The following CLASP1 variants were observed in gnomAD, a reference collection of about 807,000 sequenced individuals.
CLASP1 encodes the protein cytoplasmic linker associated protein 1.
CLASP1 carries 38 observed loss-of-function variants against 192.3 expected under a neutral mutation model. That is an observed-to-expected ratio of 0.20 (90% confidence interval 0.15 to 0.26). The LOEUF (loss-of-function observed/expected upper bound fraction) is 0.26, where lower values mean the gene tolerates loss of function less well. CLASP1 is among the 10% of genes least tolerant of loss of function. The probability of loss-of-function intolerance (pLI) is 1.00; values close to 1 mark genes in which losing one functional copy is unlikely to be tolerated. For synonymous variants in CLASP1, 691 were observed against 712.8 expected (o/e 0.97, Z 0.49); for missense variants, 1,433 against 1,932.5 (o/e 0.74, Z 4.85).
intron 32 of CLASP1, among the ~76,000 whole-genome samples, chr2:121,384,175 C>T (rs2072635235): frequency 6.7e-6 from 1 of 150,340 alleles, no homozygotes; most frequent in African/African-American, 2.5e-5. Context: ...TATATACACA[C>T]ACACACACAC....
intron 2 of CLASP1, among the ~76,000 whole-genome samples, chr2:121,580,476 T>C (rs1361810064): frequency 6.6e-6 from 1 of 152,202 alleles, no homozygotes; most frequent in Non-Finnish European, 1.5e-5. Context: ...CATTAACATT[T>C]TCATTTCTTT....
exon 25 of CLASP1, chr2:121,407,623 T>A (rs762456175): frequency 1.9e-6 from 3 of 1,613,908 alleles, no homozygotes; most frequent in Non-Finnish European, 2.5e-6. Context: ...TGGAGCCATA[T>A]GAGCGCTCAG....
intron 37 of CLASP1, among the ~76,000 whole-genome samples, chr2:121,352,631 T>G (rs1451903617): frequency 6.6e-6 from 1 of 152,202 alleles, no homozygotes; most frequent in Non-Finnish European, 1.5e-5. Flanking sequence ...TTCCATTTTT[T>G]AATAAAAACT....
intron 1 of CLASP1, among the ~76,000 whole-genome samples, chr2:121,636,209 G>A (rs1047681414): frequency 5.9e-5 from 9 of 151,904 alleles, no homozygotes; most frequent in African/African-American, 4.8e-5. Flanking sequence ...CAGTGCAGGC[G>A]CCTGTAATCC....
chr2:121,594,311 A>C (rs188490018), intron 2 of CLASP1, among the ~76,000 whole-genome samples: 14 of 151,730 alleles, frequency 9.2e-5, no homozygotes, highest in African/African-American at 2.9e-4. Context: ...AAAAAAAAAA[A>C]ATTTTCTTGT....
intron 8 of CLASP1, among the ~76,000 whole-genome samples, chr2:121,479,239 C>T (rs1203959769): frequency 6.7e-6 from 1 of 149,888 alleles, no homozygotes; most frequent in Non-Finnish European, 1.5e-5. Context: ...ATTGGAAGAA[C>T]TAAAACTATC....
chr2:121,446,239 C>T (rs1022589861), intron 19 of CLASP1, among the ~76,000 whole-genome samples: 1 of 152,142 alleles, frequency 6.6e-6, no homozygotes, highest in African/African-American at 2.4e-5. Flanking sequence ...CCTTACAGAA[C>T]AATAGTTTAT....
At chr2:121,462,495 C>A in intron 10 of CLASP1, 37 bp downstream of exon 10, 2 of 1,164,078 alleles carry the variant, frequency 1.7e-6, no homozygotes, top group Non-Finnish European at 2.5e-6. Flanking sequence ...AGTAAGTTGA[C>A]CCTTGTTTGT....
intron 8 of CLASP1, among the ~76,000 whole-genome samples, chr2:121,475,880 T>A (rs575368600): frequency 2.6e-5 from 4 of 152,300 alleles, no homozygotes; most frequent in African/African-American, 9.6e-5. Flanking sequence ...AAATCTGAAA[T>A]AAGCAGATGG....
exon 40 of CLASP1, chr2:121,338,211 T>C (rs2062493229): frequency 6.6e-6 from 1 of 152,224 alleles, no homozygotes; most frequent in African/African-American, 2.4e-5. Context: ...GTCAGTTGCA[T>C]TACCTGCACA....
intron 2 of CLASP1, among the ~76,000 whole-genome samples, chr2:121,533,676 AT>A (rs1230414743): frequency 6.6e-6 from 1 of 152,094 alleles, no homozygotes; most frequent in Non-Finnish European, 1.5e-5. Flanking sequence ...ATTTGTTGTA[AT>A]TTTTTTCTTC....
intron 2 of CLASP1, among the ~76,000 whole-genome samples, chr2:121,586,737 C>G (rs1020583387): frequency 1.3e-5 from 2 of 152,110 alleles, no homozygotes; most frequent in African/African-American, 2.4e-5. Context: ...GAGCATAAAT[C>G]CTCCTCCTTC....
intron 28 of CLASP1, 82 bp from the exon 30 acceptor site, chr2:121,398,482 T>C (rs1299308650): frequency 4.1e-6 from 4 of 980,324 alleles, no homozygotes; most frequent in Middle Eastern, 3.0e-4. Flanking sequence ...AAGCATACCA[T>C]TGTAAGTTAA....
At chr2:121,541,437 G>T (rs977852096) in intron 2 of CLASP1, among the ~76,000 whole-genome samples, 3 of 152,142 alleles carry the variant, frequency 2.0e-5, no homozygotes, top group African/African-American at 7.2e-5. Context: ...CTTATCCAGG[G>T]TTGTAAAGTT....
chr2:121,510,512 T>C (rs992355248), intron 7 of CLASP1, among the ~76,000 whole-genome samples: 21 of 152,152 alleles, frequency 1.4e-4, no homozygotes, highest in Admixed American at 1.0e-3. Context: ...AAAATCTGAA[T>C]AGACCCCTAA....
chr2:121,437,827 G>C (rs373965101), intron 19 of CLASP1, among the ~76,000 whole-genome samples: 1 of 152,184 alleles, frequency 6.6e-6, no homozygotes, highest in African/African-American at 2.4e-5. Context: ...TCAGGGTGAC[G>C]GCCAGCATTG....
chr2:121,459,918 A>ATC (rs2087539200), intron 12 of CLASP1, 62 bp downstream of exon 12: 2 of 1,468,020 alleles, frequency 1.4e-6, no homozygotes, highest in East Asian at 4.6e-5. Flanking sequence ...TCAAGGAGAC[A>ATC]TCTCTGAAGC....
At chr2:121,452,500 T>A (rs552863839) in intron 14 of CLASP1, among the ~76,000 whole-genome samples, 2 of 152,196 alleles carry the variant, frequency 1.3e-5, no homozygotes, top group Admixed American at 1.3e-4. Context: ...TACAAAATTT[T>A]CTTTTTCTGG....
chr2:121,523,668 G>C (rs2094506499), intron 6 of CLASP1, among the ~76,000 whole-genome samples: 1 of 152,118 alleles, frequency 6.6e-6, no homozygotes, highest in African/African-American at 2.4e-5. Flanking sequence ...TGATCTTTTG[G>C]GCGGGGAAAT....
Sources: allele counts gnomAD v4.1 joint callset (sites outside exome capture counted in the v4.1 genomes callset), GRCh38; gene constraint gnomAD v4.1.1; transcripts MANE v1.5; gene names NCBI Gene and HGNC (gene_info 2026-07-23, HGNC 2026-07-21).